FHIT: variants seen among roughly 807,000 people sequenced by gnomAD.
FHIT encodes bis(5'-adenosyl)-triphosphatase.
In FHIT, 19 loss-of-function variants were observed where a neutral mutation model predicts 17.9. The ratio of observed to expected loss-of-function variants is 1.06; its 90% CI spans 0.74 to 1.56. The LOEUF is 1.56. Ranked by LOEUF, FHIT falls within the 40% of genes most tolerant of loss-of-function variation. FHIT has a pLI of 0.00. For missense variants in FHIT, 248 were observed against 189.2 expected (o/e 1.31, Z -1.82); for synonymous variants, 81 against 69.7 (o/e 1.16, Z -0.81).
intron 5 of FHIT, among the ~76,000 whole-genome samples, chr3:60,191,382 T>C (rs1576283001): frequency 6.6e-6 from 1 of 152,196 alleles, no homozygotes; most frequent in Admixed American, 6.5e-5. Flanking sequence ...AAACGGCAGG[T>C]TGTCACCTAG....
chr3:59,831,919 G>A (rs1301425043), intron 8 of FHIT, among the ~76,000 whole-genome samples: 2 of 152,144 alleles, frequency 1.3e-5, no homozygotes, highest in African/African-American at 2.4e-5. Flanking sequence ...AAAGCTGATG[G>A]TAAGTGTGTG....
At chr3:59,894,366 T>C (rs995184704) in intron 8 of FHIT, among the ~76,000 whole-genome samples, 3 of 152,172 alleles carry the variant, frequency 2.0e-5, no homozygotes, top group Non-Finnish European at 4.4e-5. Context: ...TTAAATAAAT[T>C]AAGGCAACTT....
At chr3:60,426,339 C>G (rs569690647) in intron 5 of FHIT, among the ~76,000 whole-genome samples, 1 of 152,118 alleles carries the variant, frequency 6.6e-6, no homozygotes, top group Non-Finnish European at 1.5e-5. Context: ...GCTCTAAAGT[C>G]TCCCAAAGTC....
At chr3:60,042,934 G>A (rs139476491) in intron 5 of FHIT, among the ~76,000 whole-genome samples, 1 of 152,128 alleles carries the variant, frequency 6.6e-6, no homozygotes, top group African/African-American at 2.4e-5. Flanking sequence ...CTGGCTGTTT[G>A]TTACCTTGAT....
At chr3:60,566,935 A>C (rs887630904) in intron 4 of FHIT, among the ~76,000 whole-genome samples, 6 of 146,666 alleles carry the variant, frequency 4.1e-5, no homozygotes, top group East Asian at 2.0e-4. Flanking sequence ...GAGAACTACA[A>C]ACCACTGCTC....
intron 8 of FHIT, among the ~76,000 whole-genome samples, chr3:59,912,194 T>A (rs2107144528): frequency 6.6e-6 from 1 of 152,318 alleles, no homozygotes; most frequent in East Asian, 1.9e-4. Context: ...TCCCTCCACA[T>A]TTGAGGTATC....
intron 4 of FHIT, among the ~76,000 whole-genome samples, chr3:60,609,916 G>A (rs1553672825): frequency 1.3e-5 from 2 of 152,236 alleles, no homozygotes; most frequent in East Asian, 3.9e-4. Flanking sequence ...ACAGAAGAAA[G>A]ATTAGACTGA....
intron 8 of FHIT, among the ~76,000 whole-genome samples, chr3:59,765,080 G>A (rs1701728612): frequency 6.6e-6 from 1 of 152,140 alleles, no homozygotes; most frequent in Non-Finnish European, 1.5e-5. Flanking sequence ...TGGAGAAACA[G>A]CCATGGCTGA....
At chr3:60,329,330 C>T (rs932304898) in intron 5 of FHIT, among the ~76,000 whole-genome samples, 3 of 152,146 alleles carry the variant, frequency 2.0e-5, no homozygotes, top group Non-Finnish European at 4.4e-5. Context: ...AAGCAGCCTC[C>T]CTGTGTACAG....
intron 1 of FHIT, among the ~76,000 whole-genome samples, chr3:61,211,874 G>A (rs1199426342): frequency 1.3e-5 from 2 of 152,234 alleles, no homozygotes; most frequent in Non-Finnish European, 2.9e-5. Context: ...TGCAGCCACT[G>A]CTGCTGATAC....
chr3:60,209,960 C>T (rs915813087), intron 5 of FHIT, among the ~76,000 whole-genome samples: 8 of 151,848 alleles, frequency 5.3e-5, no homozygotes, highest in African/African-American at 1.9e-4. Context: ...GGGGAGGGAA[C>T]CTAGAGGATG....
At chr3:60,019,415 CTT>C (rs1281567026) in intron 5 of FHIT, among the ~76,000 whole-genome samples, 1 of 121,072 alleles carries the variant, frequency 8.3e-6, no homozygotes, top group Non-Finnish European at 1.7e-5. Context: ...TGAGATGCTC[CTT>C]TTTTTTTTTT....
At chr3:60,348,694 G>A (rs1011984041) in intron 5 of FHIT, among the ~76,000 whole-genome samples, 1 of 152,148 alleles carries the variant, frequency 6.6e-6, no homozygotes, top group African/African-American at 2.4e-5. Context: ...TTCCCACTCT[G>A]CATCCTGACT....
intron 4 of FHIT, among the ~76,000 whole-genome samples, chr3:60,750,776 C>T (rs1028618391): frequency 6.6e-6 from 1 of 152,208 alleles, no homozygotes; most frequent in Non-Finnish European, 1.5e-5. Context: ...GCCAAACAAC[C>T]CTCCCTGTCA....
At chr3:61,215,365 T>C (rs886178110) in intron 1 of FHIT, among the ~76,000 whole-genome samples, 2 of 151,948 alleles carry the variant, frequency 1.3e-5, no homozygotes, top group African/African-American at 2.4e-5. Context: ...TATACACCAA[T>C]AACAGACAAA....
At chr3:59,976,414 C>CAA (rs1708413733) in intron 7 of FHIT, among the ~76,000 whole-genome samples, 2 of 151,948 alleles carry the variant, frequency 1.3e-5, no homozygotes, top group Admixed American at 6.6e-5. Context: ...AACAAACAAA[C>CAA]AAACAAATAA....
chr3:61,237,734 A>G (rs2040267864), intron 1 of FHIT, among the ~76,000 whole-genome samples: 1 of 152,222 alleles, frequency 6.6e-6, no homozygotes, highest in Non-Finnish European at 1.5e-5. Flanking sequence ...TGATTCTTAC[A>G]ACAGCTCTAA....
intron 3 of FHIT, among the ~76,000 whole-genome samples, chr3:60,847,825 T>C (rs1208872213): frequency 4.6e-5 from 7 of 152,202 alleles, no homozygotes; most frequent in African/African-American, 1.7e-4. Context: ...ACACTCATTT[T>C]TTTTGGTCCC....
chr3:60,743,273 C>A (rs2042276009), intron 4 of FHIT, among the ~76,000 whole-genome samples: 1 of 152,164 alleles, frequency 6.6e-6, no homozygotes, highest in Non-Finnish European at 1.5e-5. Flanking sequence ...AACATGTGCT[C>A]AGTAAAAAGT....
Sources: gnomAD v4.1 joint callset for allele counts (sites outside exome capture counted in the v4.1 genomes callset) on GRCh38, gnomAD v4.1.1 for gene constraint, MANE v1.5 for transcripts, NCBI Gene and HGNC (gene_info 2026-07-23, HGNC 2026-07-21) for gene names.